Variants in PDE1A observed in about 807,000 individuals in gnomAD.
PDE1A encodes the protein phosphodiesterase 1A.
Under a neutral mutation model 61.7 loss-of-function variants are expected in PDE1A, and 35 were observed. The observed-to-expected ratio is 0.57, with a 90% CI of 0.43 to 0.75. PDE1A has a LOEUF of 0.75. Among genes scored for constraint, PDE1A ranks in the 30% least tolerant of loss-of-function variants. PDE1A has a pLI of 0.00. For missense variants in PDE1A, 597 were observed against 630.6 expected (o/e 0.95, Z 0.57); for synonymous variants, 232 against 213.2 (o/e 1.09, Z -0.77).
intron 2 of PDE1A, among the ~76,000 whole-genome samples, chr2:182,500,310 T>C (rs1401313995): frequency 6.6e-6 from 1 of 152,116 alleles, no homozygotes; most frequent in Non-Finnish European, 1.5e-5. Flanking sequence ...AGAACTACAT[T>C]GGGAGGAGGG....
intron 13 of PDE1A, 149 bp downstream of exon 13, chr2:182,185,743 C>A (rs1419112977): frequency 4.2e-6 from 6 of 1,436,712 alleles, no homozygotes; most frequent in African/African-American, 1.4e-5. Flanking sequence ...CCAACTTTCT[C>A]ATGAATGATC....
chr2:182,336,002 C>A (rs1217689170), intron 1 of PDE1A, among the ~76,000 whole-genome samples: 2 of 151,968 alleles, frequency 1.3e-5, no homozygotes, highest in Admixed American at 1.3e-4. Context: ...ATCTGGCCAA[C>A]AAACATATGA....
At chr2:182,511,403 G>C (rs1399422129) in intron 2 of PDE1A, among the ~76,000 whole-genome samples, 2 of 152,086 alleles carry the variant, frequency 1.3e-5, no homozygotes, top group African/African-American at 4.8e-5. Context: ...AGGAGCTCCT[G>C]GGGCCAGGGT....
intron 8 of PDE1A, among the ~76,000 whole-genome samples, chr2:182,203,217 G>C (rs1686813966): frequency 6.6e-6 from 1 of 152,140 alleles, no homozygotes; most frequent in Admixed American, 6.5e-5. Context: ...CTACTCGGGA[G>C]GCTGAGGCAG....
intron 1 of PDE1A, among the ~76,000 whole-genome samples, chr2:182,405,514 T>C (rs1702249922): frequency 1.3e-5 from 2 of 152,212 alleles, no homozygotes; most frequent in Non-Finnish European, 2.9e-5. Context: ...TTTTATCTAC[T>C]GTGGTTTTTA....
intron 1 of PDE1A, among the ~76,000 whole-genome samples, chr2:182,397,653 CT>C (rs1260028627): frequency 6.6e-6 from 1 of 152,100 alleles, no homozygotes; most frequent in African/African-American, 2.4e-5. Context: ...ACAACGGTGT[CT>C]TTTCAGTTTT....
chr2:182,504,414 A>G (rs893957904), intron 2 of PDE1A, among the ~76,000 whole-genome samples: 3 of 152,224 alleles, frequency 2.0e-5, no homozygotes, highest in African/African-American at 7.2e-5. Context: ...AAAACATAAG[A>G]ATGGAGATAA....
intron 1 of PDE1A, among the ~76,000 whole-genome samples, chr2:182,346,515 AT>A (rs1698529456): frequency 6.6e-6 from 1 of 152,122 alleles, no homozygotes; most frequent in African/African-American, 2.4e-5. Flanking sequence ...ATATTGCATT[AT>A]TTTTCAAATC....
intron 1 of PDE1A, among the ~76,000 whole-genome samples, chr2:182,370,652 C>T (rs1044207901): frequency 6.6e-6 from 1 of 152,108 alleles, no homozygotes; most frequent in Admixed American, 6.5e-5. Context: ...TGAGTTCCAA[C>T]CTGGGTAGGA....
intron 2 of PDE1A, among the ~76,000 whole-genome samples, chr2:182,502,910 C>T (rs1689168593): frequency 6.6e-6 from 1 of 152,066 alleles, no homozygotes; most frequent in Non-Finnish European, 1.5e-5. Context: ...CACATTATTA[C>T]CTTTCTAAAA....
At chr2:182,210,537 T>C (rs1687495784) in intron 7 of PDE1A, among the ~76,000 whole-genome samples, 1 of 152,226 alleles carries the variant, frequency 6.6e-6, no homozygotes, top group Non-Finnish European at 1.5e-5. Flanking sequence ...GCATTCTTTG[T>C]ATATTTTGGA....
At chr2:182,527,373 T>C (rs35128612), upstream of PDE1A, among the ~76,000 whole-genome samples, 24,389 of 64,272 alleles carry the variant, frequency 0.38, 5,610 homozygotes, top group Non-Finnish European at 0.44. Context: ...TATATATATA[T>C]ACACATATAT....
At chr2:182,688,158 A>C in the PDE1A span, among the ~76,000 whole-genome samples, 1 of 152,196 alleles carries the variant, frequency 6.6e-6, no homozygotes, top group South Asian at 2.1e-4. Flanking sequence ...CCAACATTCA[A>C]ATTCAGGAAA....
At position 182,215,412 on chromosome 2, in the gene PDE1A, G is replaced by C. The variant is rs1388959864; in HGVS notation, c.776+8452C>G. Reference sequence around the variant, plus strand: ...CTAGCAGAAGGCAAGAAATAACTAAGATCAGAGCAGAACTGAAGGAAATAG... The same window carrying C: ...CTAGCAGAAGGCAAGAAATAACTAACATCAGAGCAGAACTGAAGGAAATAG... On this transcript the variant is annotated intron_variant, in intron 7 of 13. Coordinates refer to ENST00000351439, the Ensembl canonical transcript of PDE1A. Among the ~76,000 whole-genome samples the C allele has an allele frequency of 3.7e-3, 528 of 143,490 alleles. 2 individuals carry two copies. The highest frequency in any genetic ancestry group is 0.013 in the African/African-American group (505 of 38,402). The allele number at this position is 143,490 out of a possible 152,430, so 94.1% of individuals were successfully genotyped here. A position where few individuals can be genotyped will look rare whatever the true frequency, so the allele number is the denominator to read the frequency against.
chr2:182,151,547 G>A (rs1346480712), intron 13 of PDE1A, among the ~76,000 whole-genome samples: 2 of 152,190 alleles, frequency 1.3e-5, no homozygotes, highest in Non-Finnish European at 2.9e-5. Context: ...CCTCTAGTTT[G>A]ACTGTTTCCC....
intron 1 of PDE1A, among the ~76,000 whole-genome samples, chr2:182,416,771 T>A (rs1054664991): frequency 1.3e-5 from 2 of 152,232 alleles, no homozygotes; most frequent in African/African-American, 4.8e-5. Flanking sequence ...GGGATATTAA[T>A]AAGCATTATA....
At chr2:182,148,920 T>G (rs1690632194) in intron 13 of PDE1A, among the ~76,000 whole-genome samples, 2 of 152,274 alleles carry the variant, frequency 1.3e-5, no homozygotes, top group African/African-American at 2.4e-5. Context: ...AAATCTTTTT[T>G]TTTTCAAGCT....
chr2:182,296,414 C>T lies in PDE1A; in HGVS notation c.54-32000G>A, dbSNP rs544702891. Among the ~76,000 whole-genome samples, 187 of 152,224 alleles carry T rather than the reference C, an allele frequency of 1.2e-3. 1 individual carries two copies. Among genetic ancestry groups the T allele is most frequent in the African/African-American group, 4.2e-3 (175 of 41,516 alleles). ...TTTGGTTTTGCAAATATTTGGATGTCTGAGTATATGTGGCTACTACTGGGG... is the reference window on the plus strand; with the variant it reads ...TTTGGTTTTGCAAATATTTGGATGTTTGAGTATATGTGGCTACTACTGGGG... On this transcript the variant is annotated intron_variant, in intron 1 of 13. Coordinates refer to ENST00000351439, the Ensembl canonical transcript of PDE1A.
At chr2:182,192,901 A>G (rs1176004565) in intron 10 of PDE1A, among the ~76,000 whole-genome samples, 1 of 152,156 alleles carries the variant, frequency 6.6e-6, no homozygotes, top group Non-Finnish European at 1.5e-5. Context: ...TATGAAATCC[A>G]TTGACCTAAC....
Sources: gnomAD v4.1 joint callset for allele counts (sites outside exome capture counted in the v4.1 genomes callset) on GRCh38, gnomAD v4.1.1 for gene constraint, MANE v1.5 for transcripts, NCBI Gene and HGNC (gene_info 2026-07-23, HGNC 2026-07-21) for gene names.